ATP8A2: variants seen among roughly 807,000 people sequenced by gnomAD.
ATP8A2 encodes phospholipid-transporting ATPase IB.
ATP8A2 carries 100 observed loss-of-function variants against 165.6 expected under a neutral mutation model. The ratio of observed to expected loss-of-function variants is 0.60; its 90% CI spans 0.51 to 0.71. ATP8A2 has a LOEUF of 0.71. Among genes scored for constraint, ATP8A2 ranks in the 30% least tolerant of loss-of-function variants. The probability of loss-of-function intolerance (pLI) is 0.00; values close to 1 mark genes in which losing one functional copy is unlikely to be tolerated. For missense variants in ATP8A2, 1,227 were observed against 1,479.5 expected, an observed-to-expected ratio of 0.83 and a Z score of 2.80; for synonymous variants, 543 against 548.8, an observed-to-expected ratio of 0.99 and a Z score of 0.15.
At chr13:25,858,850 A>T (rs1322479303) in intron 30 of ATP8A2, among the ~76,000 whole-genome samples, 3 of 152,178 alleles carry the variant, frequency 2.0e-5, no homozygotes, top group Non-Finnish European at 2.9e-5. Flanking sequence ...GAACATAAAG[A>T]AGAGAACAAT....
chr13:25,543,478 G>T, intron 10 of ATP8A2, 76 bp downstream of exon 10: 1 of 967,940 alleles, frequency 1.0e-6, no homozygotes, highest in Non-Finnish European at 1.6e-6. Flanking sequence ...AAATGCAGAT[G>T]TTGCATTTAG....
At chr13:25,984,023 A>G (rs550384127) in intron 35 of ATP8A2, among the ~76,000 whole-genome samples, 50 of 152,182 alleles carry the variant, frequency 3.3e-4, no homozygotes, top group Admixed American at 2.5e-3. Context: ...ACTTGAGGCC[A>G]GGAGTTCAAG....
intron 33 of ATP8A2, among the ~76,000 whole-genome samples, chr13:25,892,707 C>T (rs1953411431): frequency 6.6e-6 from 1 of 152,056 alleles, no homozygotes; most frequent in South Asian, 2.1e-4. Context: ...CTCCCTCCAT[C>T]CCCCTCCTCT....
At chr13:25,622,205 CA>C (rs66680708) in intron 24 of ATP8A2, among the ~76,000 whole-genome samples, 19,361 of 124,718 alleles carry the variant, frequency 0.16, 2,062 homozygotes, top group African/African-American at 0.34. Flanking sequence ...GACTCTGTCT[CA>C]AAAAAAAAAA....
chr13:25,554,529 A>ATGTGTGTG (rs71077486), intron 12 of ATP8A2, among the ~76,000 whole-genome samples: 4 of 140,344 alleles, frequency 2.9e-5, no homozygotes, highest in African/African-American at 1.1e-4. Context: ...GTGTGTGTGT[A>ATGTGTGTG]TGTGTGTGTG....
intron 2 of ATP8A2, among the ~76,000 whole-genome samples, chr13:25,528,013 T>C (rs17082396): frequency 0.028 from 4,303 of 152,320 alleles, 212 homozygotes; most frequent in African/African-American, 0.098. Context: ...TCAGGATTGC[T>C]GTAGAGGTAT....
chr13:25,448,079 C>T (rs1013039261), intron 1 of ATP8A2, among the ~76,000 whole-genome samples: 6 of 152,080 alleles, frequency 3.9e-5, no homozygotes, highest in African/African-American at 1.4e-4. Flanking sequence ...GGCTGGAAAA[C>T]GGGGATGTGA....
intron 27 of ATP8A2, among the ~76,000 whole-genome samples, chr13:25,813,407 GATAT>G (rs1950928089): frequency 6.9e-6 from 1 of 144,550 alleles, no homozygotes; most frequent in Non-Finnish European, 1.5e-5. Context: ...GATATGATAT[GATAT>G]GATATGATAT....
chr13:25,867,893 GACAA>G (rs1398035686), intron 33 of ATP8A2: 1 of 226,334 alleles, frequency 4.4e-6, no homozygotes, highest in African/African-American at 2.3e-5. Context: ...AAGACAAAAA[GACAA>G]ACAAAAACAA....
chr13:26,025,019 G>C lies in ATP8A2; in HGVS notation c.*5034G>C, dbSNP rs1228595549. On this transcript the variant is annotated 3_prime_UTR_variant, in exon 37 of 37. Coordinates refer to ENST00000381655, the MANE Select transcript of ATP8A2 (RefSeq NM_016529.6). ...AAGAGGGAGAGAGCCCAGAGAGCAG[G>C]CTGCGAACTCACTTCCAATGGGATT... The C allele has an allele frequency of 2.0e-5, 3 of 150,730 alleles. No homozygotes were observed. The highest frequency in any genetic ancestry group is 2.0e-4 in the Admixed American group (3 of 15,080). 9.3% of individuals were successfully genotyped at this position (150,730 alleles called of 1,614,324 possible).
chr13:25,544,849 G>A (rs2038593949), intron 10 of ATP8A2, among the ~76,000 whole-genome samples: 1 of 151,888 alleles, frequency 6.6e-6, no homozygotes, highest in Admixed American at 6.6e-5. Flanking sequence ...GAGAGGTGTG[G>A]CCTGGCTACG....
At chr13:25,692,358 T>G (rs1334911016) in intron 24 of ATP8A2, among the ~76,000 whole-genome samples, 1 of 152,112 alleles carries the variant, frequency 6.6e-6, no homozygotes, top group East Asian at 1.9e-4. Context: ...GACATCAAAG[T>G]GAGGGCTGCA....
intron 1 of ATP8A2, among the ~76,000 whole-genome samples, chr13:25,404,021 C>T (rs563754290): frequency 4.6e-5 from 7 of 152,218 alleles, no homozygotes; most frequent in South Asian, 2.1e-4. Context: ...TGCCAGACAC[C>T]GTGTTAAGTG....
intron 2 of ATP8A2, among the ~76,000 whole-genome samples, chr13:25,497,260 T>G (rs2036706851): frequency 6.6e-6 from 1 of 152,204 alleles, no homozygotes; most frequent in Non-Finnish European, 1.5e-5. Flanking sequence ...TCTGTGAAAT[T>G]TGTAGGCTTC....
intron 35 of ATP8A2, among the ~76,000 whole-genome samples, chr13:25,987,132 G>A (rs1451079698): frequency 1.3e-5 from 2 of 152,222 alleles, no homozygotes; most frequent in Non-Finnish European, 1.5e-5. Context: ...GGGAAAGGAC[G>A]GGGAAATGTA....
intron 24 of ATP8A2, among the ~76,000 whole-genome samples, chr13:25,646,361 G>C (rs74743680): frequency 6.6e-6 from 1 of 151,886 alleles, no homozygotes; most frequent in African/African-American, 2.4e-5. Context: ...TTTAAAAAAA[G>C]CATTTAGGGC....
At chr13:25,981,804 A>G (rs1329267328) in intron 35 of ATP8A2, among the ~76,000 whole-genome samples, 1 of 152,216 alleles carries the variant, frequency 6.6e-6, no homozygotes, top group Non-Finnish European at 1.5e-5. Context: ...AAAAATGTGA[A>G]GTCTTTAGTA....
At chr13:25,728,566 G>A (rs143229080) in intron 25 of ATP8A2, among the ~76,000 whole-genome samples, 1 of 152,272 alleles carries the variant, frequency 6.6e-6, no homozygotes, top group Non-Finnish European at 1.5e-5. Flanking sequence ...CAGATAAAAT[G>A]TCTCTGTCTT....
At position 25,555,077 on chromosome 13, in the gene ATP8A2, G is replaced by A; in HGVS notation, c.1263+9G>A. 1 of 1,604,230 alleles carries A rather than the reference G, an allele frequency of 6.2e-7. No homozygotes were observed. The highest frequency in any genetic ancestry group is 8.5e-7 in the Non-Finnish European group (1 of 1,171,430). ...ATGAAGAGCTTGGGCAGGTGAAAAA[G>A]CCTCTGGGAACTTTGGGAATGGTGA... is the stretch of plus-strand genomic sequence containing the variant. On this transcript the variant is annotated intron_variant, in intron 13 of 36. Coordinates refer to ENST00000381655, the MANE Select transcript of ATP8A2 (RefSeq NM_016529.6).
Sources: allele counts gnomAD v4.1 joint callset (sites outside exome capture counted in the v4.1 genomes callset), GRCh38; gene constraint gnomAD v4.1.1; transcripts MANE v1.5; gene names NCBI Gene and HGNC (gene_info 2026-07-23, HGNC 2026-07-21).